The following SUSD3 variants were observed in gnomAD, a reference collection of about 807,000 sequenced individuals.
SUSD3 encodes the protein sushi domain containing 3.
A neutral mutation model predicts 20.6 loss-of-function variants in SUSD3; 18 were observed. The observed-to-expected ratio is 0.87, with a 90% CI of 0.60 to 1.30. SUSD3 has a LOEUF of 1.30. Among genes scored for constraint, SUSD3 ranks in the 50% most tolerant of loss-of-function variants. The pLI, the probability that SUSD3 is intolerant of heterozygous loss-of-function variation, is 0.00. For missense variants in SUSD3, 306 were observed against 346.9 expected (o/e 0.88, Z 0.94); for synonymous variants, 137 against 141.5 (o/e 0.97, Z 0.23).
At chr9:93,075,748 C>CCCCCCCCCCCCCCCCCCCCCCCCCCCCT in intron 1 of SUSD3, 36 bp from the exon 2 acceptor site, 1 of 202,416 alleles carries the variant, frequency 4.9e-6, no homozygotes, top group South Asian at 5.0e-5. Flanking sequence ...CCACCCCCCC[C>CCCCCCCCCCCCCCCCCCCCCCCCCCCCT]CCCCCGCCAT....
intron 4 of SUSD3, among the ~76,000 whole-genome samples, chr9:93,082,718 C>T (rs951501644): frequency 1.3e-5 from 2 of 152,126 alleles, no homozygotes; most frequent in African/African-American, 2.4e-5. Flanking sequence ...CCTCCATTGC[C>T]CCACCTGTGA....
chr9:93,062,892 G>C (rs1199423428), intron 1 of SUSD3, among the ~76,000 whole-genome samples: 2 of 152,192 alleles, frequency 1.3e-5, no homozygotes, highest in East Asian at 3.8e-4. Flanking sequence ...TGTGCTGCCT[G>C]CCTGCCCCAT....
At position 93,058,747 on chromosome 9, in the gene SUSD3, G is replaced by C. The variant is rs908428121; in HGVS notation, c.5G>C (p.Arg2Pro). 1 of 1,235,380 alleles carries C rather than the reference G, an allele frequency of 8.1e-7. No individual in the cohort carries two copies. The highest frequency in any genetic ancestry group is 1.0e-6 in the Non-Finnish European group (1 of 989,354). 76.5% of individuals were successfully genotyped at this position (1,235,380 alleles called of 1,614,324 possible). Residue 2 changes from arginine to proline, a missense_variant, in exon 1 of 5, where the codon CGC becomes CCC. Coordinates refer to ENST00000375472, the MANE Select transcript of SUSD3 (RefSeq NM_145006.4). M[R>P]WAAATLRGKA... ...AAGCGCCTCGGAGCGCGCAGGATGC[G>C]CTGGGCGGCCGCCACCCTCCGTGGC...
intron 1 of SUSD3, among the ~76,000 whole-genome samples, chr9:93,059,118 C>T (rs946875557): frequency 2.0e-5 from 3 of 152,136 alleles, no homozygotes; most frequent in African/African-American, 7.2e-5. Context: ...ACAGCGCGGC[C>T]GGCCAAGCCT....
At chr9:93,074,514 G>T (rs1826046860) in intron 1 of SUSD3, among the ~76,000 whole-genome samples, 1 of 151,434 alleles carries the variant, frequency 6.6e-6, no homozygotes, top group African/African-American at 2.4e-5. Context: ...CCTGGGTAAG[G>T]GAATCATTCC....
At chr9:93,061,444 C>T (rs377560290) in intron 1 of SUSD3, among the ~76,000 whole-genome samples, 1 of 152,382 alleles carries the variant, frequency 6.6e-6, no homozygotes, top group African/African-American at 2.4e-5. Flanking sequence ...CTCGGTTTTC[C>T]ACCAGGGATG....
At chr9:93,080,318 CAAAA>C (rs56134136) in intron 4 of SUSD3, among the ~76,000 whole-genome samples, 1 of 56,780 alleles carries the variant, frequency 1.8e-5, no homozygotes, top group African/African-American at 5.8e-5. Context: ...GACTCCGTCT[CAAAA>C]AAAAAAAAAA....
intron 1 of SUSD3, among the ~76,000 whole-genome samples, chr9:93,059,614 GCC>G (rs796282270): frequency 2.0e-5 from 3 of 152,240 alleles, no homozygotes; most frequent in African/African-American, 7.2e-5. Flanking sequence ...CGCGGCCACT[GCC>G]CACGAACGTT....
At chr9:93,075,735 T>TTTCCCCCCCC in intron 1 of SUSD3, 49 bp from the exon 2 acceptor site, 1 of 247,428 alleles carries the variant, frequency 4.0e-6, no homozygotes. Context: ...CTGCCCTGCG[T>TTTCCCCCCCC]GCCCACCCCC....
intron 3 of SUSD3, 129 bp from the exon 4 acceptor site, chr9:93,079,342 C>G: frequency 1.0e-6 from 1 of 992,788 alleles, no homozygotes; most frequent in African/African-American, 1.6e-5. Context: ...CACTGCCCAG[C>G]TCTTTGAGAG....
At chr9:93,078,319 C>T (rs765465033) in intron 3 of SUSD3, among the ~76,000 whole-genome samples, 8 of 152,290 alleles carry the variant, frequency 5.3e-5, no homozygotes, top group East Asian at 1.9e-4. Flanking sequence ...AGTACAGTAG[C>T]GTGATCTCAG....
At chr9:93,059,576 G>T (rs570406300) in intron 1 of SUSD3, among the ~76,000 whole-genome samples, 1 of 152,260 alleles carries the variant, frequency 6.6e-6, no homozygotes, top group East Asian at 1.9e-4. Context: ...CGGAACTCTG[G>T]GTCTCAGATA....
At chr9:93,065,154 G>A (rs1056349316) in intron 1 of SUSD3, among the ~76,000 whole-genome samples, 7 of 152,176 alleles carry the variant, frequency 4.6e-5, no homozygotes, top group African/African-American at 1.7e-4. Flanking sequence ...CAGTGGGGAT[G>A]CTCAAGGTCT....
At chr9:93,084,454 G>A in intron 4 of SUSD3, 83 bp from the exon 5 acceptor site, 2 of 1,338,760 alleles carry the variant, frequency 1.5e-6, no homozygotes, top group Non-Finnish European at 2.0e-6. Flanking sequence ...CCACTGGAGG[G>A]CCTGGGTACC....
At chr9:93,072,703 A>G (rs7018579) in intron 1 of SUSD3, among the ~76,000 whole-genome samples, 9,403 of 152,306 alleles carry the variant, frequency 0.062, 907 homozygotes, top group African/African-American at 0.21. Flanking sequence ...GCTCCTGGGC[A>G]GATGTGAATA....
intron 1 of SUSD3, among the ~76,000 whole-genome samples, chr9:93,066,430 C>T (rs1825714314): frequency 6.6e-6 from 1 of 152,126 alleles, no homozygotes; most frequent in Admixed American, 6.5e-5. Context: ...GACAGGTTTT[C>T]ACCATATTGG....
At chr9:93,080,340 A>C (rs1048992975) in intron 4 of SUSD3, among the ~76,000 whole-genome samples, 1 of 128,544 alleles carries the variant, frequency 7.8e-6, no homozygotes, top group South Asian at 2.8e-4. Context: ...AAAAAAAAAA[A>C]CAAAACTAAC....
At chr9:93,066,516 G>T (rs905024609) in intron 1 of SUSD3, among the ~76,000 whole-genome samples, 1 of 152,072 alleles carries the variant, frequency 6.6e-6, no homozygotes, top group Non-Finnish European at 1.5e-5. Flanking sequence ...ACAGGTATGA[G>T]CCACCGTGCT....
Position 93,075,980 on chromosome 9 carries a change from C to T in SUSD3, c.277+8C>T. 6.3e-7 allele frequency: 1 copy of T among 1,579,282 alleles called. No individual in the cohort carries two copies. The highest frequency in any genetic ancestry group is 8.6e-7 in the Non-Finnish European group (1 of 1,156,932). On this transcript the variant is annotated splice_region_variant and intron_variant, in intron 2 of 4. Coordinates refer to ENST00000375472, the MANE Select transcript of SUSD3 (RefSeq NM_145006.4). ...GGTCCCCAGTGTGCAAACGTAAGGA[C>T]CCCTCTCTCAGCTCGGTGGCTCTGG...
Sources: allele counts gnomAD v4.1 joint callset (sites outside exome capture counted in the v4.1 genomes callset), GRCh38; gene constraint gnomAD v4.1.1; transcripts MANE v1.5; gene names NCBI Gene and HGNC (gene_info 2026-07-23, HGNC 2026-07-21).